The following SIPA1L1 variants were observed in gnomAD, a reference collection of about 807,000 sequenced individuals.
SIPA1L1 encodes the protein signal-induced proliferation-associated 1-like protein 1.
In SIPA1L1, 26 loss-of-function variants were observed where a neutral mutation model predicts 162.7. The ratio of observed to expected loss-of-function variants is 0.16; its 90% CI spans 0.12 to 0.22. The LOEUF is 0.22. SIPA1L1 is among the 10% of genes least tolerant of loss of function. The probability of loss-of-function intolerance (pLI) is 1.00; values close to 1 mark genes in which losing one functional copy is unlikely to be tolerated. For missense variants in SIPA1L1, 1,874 were observed against 2,241.0 expected (o/e 0.84, Z 3.31); for synonymous variants, 829 against 837.4 (o/e 0.99, Z 0.17).
chr14:71,711,661 A>G (rs2082884918), intron 17 of SIPA1L1, among the ~76,000 whole-genome samples: 1 of 152,242 alleles, frequency 6.6e-6, no homozygotes, highest in Non-Finnish European at 1.5e-5. Context: ...ATTATCTAAC[A>G]AATCCCAGGG....
intron 5 of SIPA1L1, chr14:71,598,371 A>T (rs1047052847): frequency 6.9e-6 from 2 of 290,274 alleles, no homozygotes; most frequent in African/African-American, 4.6e-5. Flanking sequence ...AGGAGGAAAG[A>T]TAGTAACTTT....
chr14:71,389,022 C>A (rs1291099243), intron 2 of SIPA1L1, among the ~76,000 whole-genome samples: 2 of 152,148 alleles, frequency 1.3e-5, no homozygotes, highest in East Asian at 3.9e-4. Flanking sequence ...TCAAGCATTC[C>A]TTCTAGCTCG....
At chr14:71,658,728 A>G (rs1208121843) in intron 9 of SIPA1L1, among the ~76,000 whole-genome samples, 1 of 152,228 alleles carries the variant, frequency 6.6e-6, no homozygotes, top group Admixed American at 6.5e-5. Context: ...ATCATTGGTG[A>G]TTACATGACT....
At chr14:71,595,866 C>G (rs1202073858) in intron 5 of SIPA1L1, among the ~76,000 whole-genome samples, 1 of 152,210 alleles carries the variant, frequency 6.6e-6, no homozygotes, top group Admixed American at 6.5e-5. Flanking sequence ...CAGGTAACTT[C>G]TGTTCCTTCT....
intron 3 of SIPA1L1, chr14:71,528,671 AT>A (rs1382262333): frequency 1.3e-5 from 2 of 152,174 alleles, no homozygotes; most frequent in East Asian, 3.9e-4. Context: ...AAAAATAATA[AT>A]TCTATTTTTT....
chr14:71,459,044 C>T (rs957255280), intron 2 of SIPA1L1, among the ~76,000 whole-genome samples: 1 of 151,522 alleles, frequency 6.6e-6, no homozygotes, highest in South Asian at 2.1e-4. Context: ...TGCATTCCAG[C>T]CTGGGCAACA....
chr14:71,525,475 G>A (rs768621100), intron 3 of SIPA1L1, among the ~76,000 whole-genome samples: 3 of 152,142 alleles, frequency 2.0e-5, no homozygotes, highest in Non-Finnish European at 4.4e-5. Context: ...GAGCCACTGC[G>A]CCCAGCCTGT....
intron 2 of SIPA1L1, among the ~76,000 whole-genome samples, chr14:71,453,597 A>G (rs552084419): frequency 1.1e-4 from 17 of 152,342 alleles, no homozygotes; most frequent in South Asian, 4.1e-4. Flanking sequence ...AAATATTTGT[A>G]TAAGAATCAT....
intron 10 of SIPA1L1, among the ~76,000 whole-genome samples, chr14:71,666,440 G>A (rs1462943401): frequency 1.3e-5 from 2 of 152,140 alleles, no homozygotes; most frequent in African/African-American, 2.4e-5. Flanking sequence ...TAGACAAAAA[G>A]ACTATAAAGA....
Position 71,589,182 on chromosome 14 carries a change from G to T in SIPA1L1, c.1310G>T (p.Gly437Val), listed in dbSNP as rs1487966087. ...ATCAGCCTTTCAAAATCAAATTCTG[G>T]CTCCTTTAGTGGATGTGAAAGTGCC... The part of the protein sequence containing the change: ...RKISLSKSNS[G>V]SFSGCESASF... The change falls in exon 5 of 24, where the codon GGC becomes GTC. Residue 437 changes from glycine to valine, a missense_variant. By Grantham distance (109) the Gly-to-Val change is moderately radical. This residue lies in a region of SIPA1L1 where 685 missense variants were observed against 828.0 expected (regional missense o/e 0.83). Transcript: ENST00000381232. The T allele has an allele frequency of 1.2e-6, 2 of 1,614,052 alleles. No homozygotes were observed. The highest frequency in any genetic ancestry group is 2.7e-5 in the African/African-American group (2 of 75,048).
At chr14:71,356,459 C>T (rs1484266122) in intron 2 of SIPA1L1, among the ~76,000 whole-genome samples, 5 of 149,260 alleles carry the variant, frequency 3.3e-5, no homozygotes, top group South Asian at 2.1e-4. Flanking sequence ...GGGCCAGGCA[C>T]GTGGCTCATG....
intron 5 of SIPA1L1, among the ~76,000 whole-genome samples, chr14:71,610,200 AACACTAAATTTCAG>A (rs2038047546): frequency 6.6e-6 from 1 of 152,230 alleles, no homozygotes; most frequent in Non-Finnish European, 1.5e-5. Context: ...AATTGATGAA[AACACTAAATTTCAG>A]TTAGAAGTTA....
chr14:71,688,369 T>C (rs901842245), intron 13 of SIPA1L1, among the ~76,000 whole-genome samples: 17 of 152,206 alleles, frequency 1.1e-4, no homozygotes, highest in African/African-American at 4.1e-4. Context: ...AAAACATTTC[T>C]GGTCCAAAGA....
At chr14:71,621,750 A>T (rs772241448) in intron 6 of SIPA1L1, among the ~76,000 whole-genome samples, 1 of 152,010 alleles carries the variant, frequency 6.6e-6, no homozygotes, top group Non-Finnish European at 1.5e-5. Context: ...CGATTCCTCA[A>T]ATGGTGCCTT....
At chr14:71,433,823 A>T (rs890561742) in intron 2 of SIPA1L1, among the ~76,000 whole-genome samples, 4 of 152,224 alleles carry the variant, frequency 2.6e-5, no homozygotes, top group Non-Finnish European at 4.4e-5. Flanking sequence ...ACCTTTTCAA[A>T]TGTTGACTTT....
intron 2 of SIPA1L1, among the ~76,000 whole-genome samples, chr14:71,420,096 C>T (rs1265679180): frequency 1.3e-5 from 2 of 152,100 alleles, no homozygotes; most frequent in African/African-American, 4.8e-5. Context: ...ATCGTTTCTT[C>T]CCTGGATTTA....
chr14:71,524,119 A>G (rs369460703), intron 3 of SIPA1L1, among the ~76,000 whole-genome samples: 2 of 146,072 alleles, frequency 1.4e-5, no homozygotes, highest in African/African-American at 4.9e-5. Flanking sequence ...ACATATCTAC[A>G]TTTATCTGTT....
intron 2 of SIPA1L1, among the ~76,000 whole-genome samples, chr14:71,503,515 A>G (rs951458843): frequency 6.6e-6 from 1 of 152,230 alleles, no homozygotes; most frequent in Non-Finnish European, 1.5e-5. Context: ...AAAAATTTGT[A>G]GTGCATCCAG....
At chr14:71,615,459 A>G (rs1217310570) in intron 5 of SIPA1L1, among the ~76,000 whole-genome samples, 1 of 152,228 alleles carries the variant, frequency 6.6e-6, no homozygotes, top group East Asian at 1.9e-4. Flanking sequence ...TTAGAAGACT[A>G]CTACAAACAC....
Sources: allele counts gnomAD v4.1 joint callset (sites outside exome capture counted in the v4.1 genomes callset), GRCh38; gene constraint gnomAD v4.1.1; regional missense constraint gnomAD v4.1.1; transcripts MANE v1.5; gene names NCBI Gene and HGNC (gene_info 2026-07-23, HGNC 2026-07-21).